Variants in SIK3 observed in about 807,000 individuals in gnomAD.
SIK3 encodes the protein SIK family kinase 3.
SIK3 carries 28 observed loss-of-function variants against 144.2 expected under a neutral mutation model. That is an observed-to-expected ratio of 0.19 (90% CI 0.14 to 0.27). The LOEUF (loss-of-function observed/expected upper bound fraction) is 0.27, where lower values mean the gene tolerates loss of function less well. SIK3 is among the 10% of genes least tolerant of loss of function. SIK3 has a pLI of 1.00. For missense variants in SIK3, 1,319 were observed against 1,776.0 expected (o/e 0.74, Z 4.62); for synonymous variants, 686 against 676.3 (o/e 1.01, Z -0.22).
intron 2 of SIK3, among the ~76,000 whole-genome samples, chr11:116,955,025 A>G (rs1011799861): frequency 6.6e-6 from 1 of 152,244 alleles, no homozygotes; most frequent in African/African-American, 2.4e-5. Flanking sequence ...AATATATCCA[A>G]AATACTATCA....
At chr11:116,898,055 T>C (rs961734369) in intron 4 of SIK3, among the ~76,000 whole-genome samples, 2 of 152,048 alleles carry the variant, frequency 1.3e-5, no homozygotes, top group African/African-American at 4.8e-5. Context: ...ACATGTGCCA[T>C]GCTGGTGCGC....
At chr11:117,060,023 CAT>C (rs1349373058) in intron 1 of SIK3, among the ~76,000 whole-genome samples, 2 of 152,192 alleles carry the variant, frequency 1.3e-5, no homozygotes, top group Non-Finnish European at 2.9e-5. Context: ...GAGCTGAAAA[CAT>C]ATATCCACAC....
intron 1 of SIK3, among the ~76,000 whole-genome samples, chr11:117,013,936 G>GTA (rs1951397940): frequency 1.1e-5 from 1 of 89,628 alleles, no homozygotes; most frequent in Admixed American, 1.3e-4. Flanking sequence ...GTGTGTGTGT[G>GTA]TGTGTGTGTG....
At chr11:117,042,660 C>T (rs1952798226) in intron 1 of SIK3, among the ~76,000 whole-genome samples, 1 of 152,172 alleles carries the variant, frequency 6.6e-6, no homozygotes, top group South Asian at 2.1e-4. Flanking sequence ...TAGATTTCAT[C>T]TAAATATGAG....
intron 1 of SIK3, among the ~76,000 whole-genome samples, chr11:117,061,702 C>A (rs1481986381): frequency 6.6e-6 from 1 of 152,104 alleles, no homozygotes; most frequent in Non-Finnish European, 1.5e-5. Context: ...TTAATAAGAT[C>A]CTCAGGTAAT....
rs749427910 is a variant in SIK3 at position 117,027,450 on chromosome 11, C to CTGTT, written c.274-70390_274-70387dup. 9.6e-3 allele frequency among the ~76,000 whole-genome samples: 1,429 copies of CTGTT among 148,300 alleles called. 20 individuals are homozygous for CTGTT. Among genetic ancestry groups the CTGTT allele is most frequent in the Middle Eastern group, 0.036 (10 of 278 alleles). On this transcript the variant is annotated intron_variant, in intron 1 of 24. Transcript: ENST00000445177. Reference sequence around the variant, plus strand: ...TTCTTTTTTTTTCTTTTTTTTATATCTGTTTGTTTGTTTGTTTGTTTGTTT... The same window carrying CTGTT: ...TTCTTTTTTTTTCTTTTTTTTATATCTGTTTGTTTGTTTGTTTGTTTGTTTGTTT...
chr11:117,086,062 T>C (rs1469155089), intron 1 of SIK3, among the ~76,000 whole-genome samples: 1 of 152,224 alleles, frequency 6.6e-6, no homozygotes, highest in Admixed American at 6.5e-5. Flanking sequence ...AACCAAAACT[T>C]ACTGTATAGG....
intron 3 of SIK3, among the ~76,000 whole-genome samples, chr11:116,940,411 A>T (rs936465046): frequency 6.6e-6 from 1 of 151,810 alleles, no homozygotes; most frequent in Non-Finnish European, 1.5e-5. Context: ...TGTATTTTTT[A>T]GTAAAGACGG....
intron 4 of SIK3, among the ~76,000 whole-genome samples, chr11:116,907,596 C>T (rs978361254): frequency 6.6e-6 from 1 of 152,030 alleles, no homozygotes; most frequent in Non-Finnish European, 1.5e-5. Flanking sequence ...GCACCAGAGT[C>T]GAAATTGCAC....
chr11:116,918,348 G>A (rs1459227712), intron 4 of SIK3, among the ~76,000 whole-genome samples: 1 of 152,104 alleles, frequency 6.6e-6, no homozygotes, highest in Admixed American at 6.5e-5. Context: ...GAGGGAGGAG[G>A]CAAGCTTTTG....
At chr11:117,067,431 C>T (rs1179661520) in intron 1 of SIK3, among the ~76,000 whole-genome samples, 1 of 151,966 alleles carries the variant, frequency 6.6e-6, no homozygotes, top group African/African-American at 2.4e-5. Flanking sequence ...AAGAGTACAT[C>T]CTAGATGAGG....
intron 6 of SIK3, among the ~76,000 whole-genome samples, chr11:116,893,078 G>A (rs1945213253): frequency 6.6e-6 from 1 of 152,144 alleles, no homozygotes; most frequent in Non-Finnish European, 1.5e-5. Flanking sequence ...AACAGGCAGA[G>A]CACAGAGGAT....
chr11:117,013,713 C>T (rs1951371390), intron 1 of SIK3, among the ~76,000 whole-genome samples: 1 of 151,510 alleles, frequency 6.6e-6, no homozygotes, highest in Non-Finnish European at 1.5e-5. Context: ...AAAAATGCTT[C>T]CAGTGCTATC....
chr11:117,096,749 A>G (rs1163738099), intron 1 of SIK3, among the ~76,000 whole-genome samples: 19 of 152,132 alleles, frequency 1.2e-4, no homozygotes, highest in Non-Finnish European at 4.4e-5. Context: ...AGGCAGAAAG[A>G]TGGTGGGGAA....
intron 3 of SIK3, among the ~76,000 whole-genome samples, chr11:116,928,911 T>C (rs1163746126): frequency 6.6e-6 from 1 of 152,202 alleles, no homozygotes; most frequent in Non-Finnish European, 1.5e-5. Context: ...ATAGCCAAGA[T>C]TATCGATTTA....
At chr11:117,022,657 C>T (rs948316397) in intron 1 of SIK3, among the ~76,000 whole-genome samples, 1 of 152,132 alleles carries the variant, frequency 6.6e-6, no homozygotes, top group Non-Finnish European at 1.5e-5. Context: ...ACAAACTGTC[C>T]TTGTGTCAAA....
At chr11:117,013,413 G>A (rs528432131) in intron 1 of SIK3, among the ~76,000 whole-genome samples, 13 of 152,092 alleles carry the variant, frequency 8.5e-5, no homozygotes, top group African/African-American at 3.1e-4. Flanking sequence ...AGGAGGCAGG[G>A]GTTGCAGTGA....
chr11:116,947,643 G>C (rs1013089922), intron 3 of SIK3, among the ~76,000 whole-genome samples: 1 of 149,840 alleles, frequency 6.7e-6, no homozygotes, highest in Non-Finnish European at 1.5e-5. Flanking sequence ...TCGGCTCACT[G>C]CAAGTTCCGC....
chr11:117,032,385 G>A (rs1016552264), intron 1 of SIK3, among the ~76,000 whole-genome samples: 1 of 152,132 alleles, frequency 6.6e-6, no homozygotes, highest in African/African-American at 2.4e-5. Flanking sequence ...TATACGTTTT[G>A]TTAGATATAT....
Sources: allele counts gnomAD v4.1 joint callset (sites outside exome capture counted in the v4.1 genomes callset), GRCh38; gene constraint gnomAD v4.1.1; transcripts MANE v1.5; gene names NCBI Gene and HGNC (gene_info 2026-07-23, HGNC 2026-07-21).